Variants in MCF2L observed in about 807,000 individuals in gnomAD.
The protein encoded by MCF2L is guanine nucleotide exchange factor DBS.
MCF2L carries 97 observed loss-of-function variants against 153.4 expected under a neutral mutation model. The ratio of observed to expected loss-of-function variants is 0.63; its 90% CI spans 0.54 to 0.75. The LOEUF is 0.75. MCF2L is among the 30% of genes least tolerant of loss of function. The probability of loss-of-function intolerance (pLI) is 0.00; values close to 1 mark genes in which losing one functional copy is unlikely to be tolerated. For synonymous variants in MCF2L, 659 were observed against 632.2 expected (o/e 1.04, Z -0.64); for missense variants, 1,347 against 1,495.2 (o/e 0.90, Z 1.64).
intron 3 of MCF2L, among the ~76,000 whole-genome samples, chr13:113,037,248 G>C (rs2086212715): frequency 2.0e-5 from 3 of 152,202 alleles, no homozygotes; most frequent in Non-Finnish European, 4.4e-5. Context: ...ACGATAGAAA[G>C]CACCTTGCTG....
chr13:113,005,043 C>T (rs980708965), intron 1 of MCF2L, among the ~76,000 whole-genome samples: 6 of 152,180 alleles, frequency 3.9e-5, no homozygotes, highest in African/African-American at 1.2e-4. Flanking sequence ...AAGAGCCACC[C>T]GCCCTCCAGA....
chr13:112,914,209 G>A (rs188342198), intron 2 of MCF2L, among the ~76,000 whole-genome samples: 30 of 152,308 alleles, frequency 2.0e-4, no homozygotes, highest in East Asian at 1.5e-3. Flanking sequence ...GACCTGGTGC[G>A]TCCCCCAAGA....
At chr13:112,915,975 G>T (rs1449286262) in intron 2 of MCF2L, among the ~76,000 whole-genome samples, 1 of 151,516 alleles carries the variant, frequency 6.6e-6, no homozygotes. Flanking sequence ...GAGGCATGTG[G>T]ATCACAAGGT....
intron 26 of MCF2L, among the ~76,000 whole-genome samples, chr13:113,091,906 G>A (rs867562680): frequency 9.9e-5 from 15 of 152,162 alleles, no homozygotes; most frequent in Middle Eastern, 3.4e-3. Flanking sequence ...TTCCCATTCC[G>A]CCCGCCTCCA....
intron 2 of MCF2L, among the ~76,000 whole-genome samples, chr13:112,962,278 T>G (rs36144023): frequency 2.0e-4 from 30 of 151,594 alleles, no homozygotes; most frequent in African/African-American, 7.0e-4. Context: ...TAGGCACAGA[T>G]GCTCACACAC....
intron 7 of MCF2L, 113 bp from the exon 8 acceptor site, chr13:113,065,933 G>C: frequency 8.6e-7 from 1 of 1,163,532 alleles, no homozygotes; most frequent in Non-Finnish European, 1.2e-6. Flanking sequence ...GTCGGGGATT[G>C]ACCCCTTCCT....
At chr13:113,055,692 G>T (rs943747182) in intron 4 of MCF2L, among the ~76,000 whole-genome samples, 1 of 152,186 alleles carries the variant, frequency 6.6e-6, no homozygotes, top group Non-Finnish European at 1.5e-5. Context: ...CTGCCCAGGC[G>T]CCTCGTCCAC....
Position 113,070,498 on chromosome 13 carries a change from T to C in MCF2L, c.996+325T>C, listed in dbSNP as rs1046595527. 2.4e-4 allele frequency: 46 copies of C among 195,384 alleles called. No individual in the cohort carries two copies. The highest frequency in any genetic ancestry group is 1.1e-3 in the African/African-American group (44 of 41,812). 12.1% of individuals were successfully genotyped at this position (195,384 alleles called of 1,614,324 possible). On this transcript the variant is annotated intron_variant, in intron 9 of 29. Coordinates refer to ENST00000535094, the MANE Select transcript of MCF2L (RefSeq NM_001112732.3). This position sits in a 1 kb window ranked among gnomAD's most constrained non-coding sequence, Gnocchi z 5.6. ...TGCATGCCCTTTTATTCAACATGCATGTAGGATGTGCCTGCTGTGTGCCAG... is the reference window on the plus strand; with the variant it reads ...TGCATGCCCTTTTATTCAACATGCACGTAGGATGTGCCTGCTGTGTGCCAG...
intron 14 of MCF2L, 94 bp downstream of exon 14, chr13:113,078,530 G>A: frequency 7.2e-7 from 1 of 1,391,030 alleles, no homozygotes; most frequent in Non-Finnish European, 1.0e-6. Context: ...CCCGGGCACT[G>A]CCCAGCTACC....
chr13:112,950,509 G>A (rs1169787240), intron 2 of MCF2L, among the ~76,000 whole-genome samples: 2 of 152,154 alleles, frequency 1.3e-5, no homozygotes, highest in African/African-American at 4.8e-5. Flanking sequence ...AGTAATCAGG[G>A]CAGTGTGGTC....
intron 2 of MCF2L, among the ~76,000 whole-genome samples, chr13:112,923,077 G>A (rs1257426735): frequency 1.3e-5 from 2 of 151,978 alleles, no homozygotes; most frequent in African/African-American, 4.8e-5. Context: ...CAATGGCAAG[G>A]GTAGCACAAA....
chr13:112,938,280 G>GCTGATGGGTTGGTTCAGGTGAGCT lies in MCF2L; in HGVS notation c.169+35914_169+35937dup, dbSNP rs1566649924. ...CGCTGATGGGTTGGTTCAGGTGAGC[G>GCTGATGGGTTGGTTCAGGTGAGCT]CTGATGGGTTGGTTCAGGTGAGCTC... On this transcript the variant is annotated intron_variant, in intron 2 of 29. Transcript: ENST00000375608. 1.7e-3 allele frequency among the ~76,000 whole-genome samples: 241 copies of GCTGATGGGTTGGTTCAGGTGAGCT among 144,240 alleles called. 3 individuals are homozygous for GCTGATGGGTTGGTTCAGGTGAGCT. Among genetic ancestry groups the GCTGATGGGTTGGTTCAGGTGAGCT allele is most frequent in the African/African-American group, 6.0e-3 (228 of 38,286 alleles). The allele number at this position is 144,240 out of a possible 152,430, so 94.6% of individuals were successfully genotyped here. A position where few individuals can be genotyped will look rare whatever the true frequency, so the allele number is the denominator to read the frequency against.
intron 2 of MCF2L, among the ~76,000 whole-genome samples, chr13:112,937,764 T>G (rs978311001): frequency 1.3e-5 from 1 of 76,794 alleles, no homozygotes; most frequent in African/African-American, 4.8e-5. Context: ...TCAGGTGAGC[T>G]CTGAGGGGTT....
chr13:112,962,503 T>C lies in MCF2L; in HGVS notation c.170-52260T>C, dbSNP rs1179026167. On this transcript the variant is annotated intron_variant, in intron 2 of 29. Coordinates refer to the MCF2L transcript ENST00000375608. Reference sequence around the variant, plus strand: ...GGGCCTCACTTCTAGCCGACCCAGTTGGTGGCCACATCCCTGGTGCCCAGG... The same window carrying C: ...GGGCCTCACTTCTAGCCGACCCAGTCGGTGGCCACATCCCTGGTGCCCAGG... Among the ~76,000 whole-genome samples, 5 of 152,290 alleles carry C rather than the reference T, an allele frequency of 3.3e-5. No homozygotes were observed. The East Asian group carries it at 9.7e-4, about 29-fold the overall frequency.
rs750317392 is a variant in MCF2L at position 113,089,685 on chromosome 13, C to G, written c.2910C>G (p.Tyr970Ter). The change falls in exon 26 of 30, where the codon TAC becomes TAG. Residue 970 changes from tyrosine to a stop codon, truncating the protein, a stop_gained. Coordinates refer to ENST00000535094, the MANE Select transcript of MCF2L (RefSeq NM_001112732.3). LOFTEE classifies it high-confidence loss of function. ...RKTDPLSLEG[Y>*]VSSAPLTKPP... ...CAGACCCCCTAAGCCTGGAGGGATA[C>G]GTCAGCTCAGCGCCACTGACAAAGC... 1.9e-6 allele frequency: 3 copies of G among 1,613,926 alleles called. No homozygotes were observed. The highest frequency in any genetic ancestry group is 2.5e-6 in the Non-Finnish European group (3 of 1,180,022).
chr13:113,071,793 G>A (rs144058218), intron 9 of MCF2L, among the ~76,000 whole-genome samples: 4 of 152,290 alleles, frequency 2.6e-5, no homozygotes, highest in Admixed American at 1.3e-4. Context: ...TTGAAATCAA[G>A]TACACTCATT....
chr13:113,033,631 T>C (rs1213044948), intron 3 of MCF2L, among the ~76,000 whole-genome samples: 2 of 147,300 alleles, frequency 1.4e-5, no homozygotes, highest in East Asian at 3.9e-4. Flanking sequence ...AGCTGGGTGA[T>C]TTCCCCCCCC....
rs540707403 is a variant in MCF2L, at chr13:113,053,049, T to C, written c.370-7544T>C. Among the ~76,000 whole-genome samples, 57 of 151,942 alleles carry C rather than the reference T, an allele frequency of 3.8e-4. No individual in the cohort carries two copies. The highest frequency in any genetic ancestry group is 1.0e-4 in the Non-Finnish European group (7 of 67,916). ...ACATAAACACAGACACACACACACA[T>C]TTTGCTGGTGAGAGCCGGCTCTGCC... On this transcript the variant is annotated intron_variant, in intron 4 of 29. Transcript: ENST00000535094. The surrounding 1 kb of genome is among the most constrained non-coding windows in gnomAD (Gnocchi z 4.4).
At chr13:112,968,629 C>A, upstream of MCF2L, 1 of 1,527,258 alleles carries the variant, frequency 6.5e-7, no homozygotes, top group Non-Finnish European at 8.8e-7. Flanking sequence ...CTGGGCGCGG[C>A]GCGGGTGGCA....
Sources: allele counts gnomAD v4.1 joint callset (sites outside exome capture counted in the v4.1 genomes callset), GRCh38; gene constraint gnomAD v4.1.1; non-coding constraint Gnocchi (gnomAD v3.1); transcripts MANE v1.5; gene names NCBI Gene and HGNC (gene_info 2026-07-23, HGNC 2026-07-21).